ATP10D: variants seen among roughly 807,000 people sequenced by gnomAD.
ATP10D encodes the protein phospholipid-transporting ATPase VD.
In ATP10D, 89 loss-of-function variants were observed where a neutral mutation model predicts 144.8. That is an observed-to-expected ratio of 0.61 (90% CI 0.52 to 0.73). ATP10D has a LOEUF of 0.73. ATP10D is among the 30% of genes least tolerant of loss of function. The pLI, the probability that ATP10D is intolerant of heterozygous loss-of-function variation, is 0.00. For synonymous variants in ATP10D, 571 were observed against 615.1 expected (o/e 0.93, Z 1.06); for missense variants, 1,603 against 1,714.8 (o/e 0.93, Z 1.15).
chr4:47,559,319 A>G (rs969613805), intron 13 of ATP10D, among the ~76,000 whole-genome samples: 1 of 152,156 alleles, frequency 6.6e-6, no homozygotes. Context: ...AAATCTCTGG[A>G]TCTTACTTTC....
chr4:47,515,382 T>C, intron 2 of ATP10D, 94 bp from the exon 3 acceptor site: 2 of 979,540 alleles, frequency 2.0e-6, no homozygotes, highest in Non-Finnish European at 3.1e-6. Flanking sequence ...AATCTACTAA[T>C]AGAAACTTAC....
At chr4:47,565,822 G>A (rs1029514234) in intron 15 of ATP10D, among the ~76,000 whole-genome samples, 2 of 151,990 alleles carry the variant, frequency 1.3e-5, no homozygotes, top group South Asian at 2.1e-4. Context: ...TTTATCTTAT[G>A]TTTAAAGGCA....
At chr4:47,503,584 A>T (rs897524926) in intron 1 of ATP10D, among the ~76,000 whole-genome samples, 1 of 152,208 alleles carries the variant, frequency 6.6e-6, no homozygotes, top group Non-Finnish European at 1.5e-5. Flanking sequence ...CATGATAATA[A>T]TCACTAGTTA....
intron 16 of ATP10D, among the ~76,000 whole-genome samples, chr4:47,570,965 C>T (rs1719918090): frequency 6.6e-6 from 1 of 152,126 alleles, no homozygotes; most frequent in South Asian, 2.1e-4. Flanking sequence ...CTCTCTCTTT[C>T]TATGTCTGTT....
rs545671232 is a variant in ATP10D, at chr4:47,521,622, C to G, written c.486-1390C>G. On this transcript the variant is annotated intron_variant, in intron 3 of 22. Coordinates refer to ENST00000273859, the MANE Select transcript of ATP10D (RefSeq NM_020453.4). The stretch of plus-strand genomic sequence containing the variant: ...TGGTCACATCCTTCTTTGTCTGGAC[C>G]TTTAGTTACTCTCCATTTCCTATGG... Among the ~76,000 whole-genome samples the G allele has an allele frequency of 2.0e-5, 3 of 152,262 alleles. No individual in the cohort carries two copies. In the East Asian group the frequency reaches 5.8e-4, roughly 29 times the overall value.
intron 1 of ATP10D, among the ~76,000 whole-genome samples, chr4:47,507,684 C>A (rs1716094611): frequency 6.6e-6 from 1 of 152,140 alleles, no homozygotes; most frequent in East Asian, 1.9e-4. Context: ...AAGCACTGGA[C>A]AGATGCATAG....
rs1199716855 is a variant in ATP10D at position 47,546,805 on chromosome 4, T to G, written c.1578T>G (p.Ser526Arg). Reference protein sequence around the residue: ...HLAGSSFTLGSGEGASEVPHS... With the variant: ...HLAGSSFTLGRGEGASEVPHS... ...CTGGGAGCTCTTTTACTCTAGGAAGTGGAGAAGGAGCCAGTGAAGTGCCTC... is the reference window on the plus strand; with the variant it reads ...CTGGGAGCTCTTTTACTCTAGGAAGGGGAGAAGGAGCCAGTGAAGTGCCTC... Residue 526 changes from serine (S) to arginine (R), a missense_variant, in exon 10 of 23, where the codon AGT becomes AGG. By Grantham distance (110) the Ser-to-Arg change is moderately radical. Transcript: ENST00000273859. 1.2e-6 allele frequency: 2 copies of G among 1,613,544 alleles called. No individual in the cohort carries two copies. The highest frequency in any genetic ancestry group is 1.7e-6 in the Non-Finnish European group (2 of 1,179,978).
intron 10 of ATP10D, among the ~76,000 whole-genome samples, chr4:47,553,097 TA>T (rs1718804046): frequency 6.6e-6 from 1 of 152,194 alleles, no homozygotes; most frequent in South Asian, 2.1e-4. Flanking sequence ...TAGGCCTTGG[TA>T]AAATACCATG....
chr4:47,492,614 T>C (rs530506405), intron 1 of ATP10D, among the ~76,000 whole-genome samples: 1 of 152,280 alleles, frequency 6.6e-6, no homozygotes, highest in Non-Finnish European at 1.5e-5. Flanking sequence ...TCCATGCTTT[T>C]ATTGCGTTAA....
intron 15 of ATP10D, among the ~76,000 whole-genome samples, chr4:47,568,500 C>T (rs1053344692): frequency 9.2e-5 from 14 of 152,138 alleles, no homozygotes; most frequent in African/African-American, 3.4e-4. Flanking sequence ...AGAGAGGTTA[C>T]ATAGTTTGCC....
intron 1 of ATP10D, among the ~76,000 whole-genome samples, chr4:47,489,069 C>T (rs56379529): frequency 0.33 from 50,810 of 151,996 alleles, 9,600 homozygotes; most frequent in Non-Finnish European, 0.42. Flanking sequence ...TGGACTAAGA[C>T]GGAGACAGAT....
chr4:47,493,128 C>T (rs534890124), intron 1 of ATP10D, among the ~76,000 whole-genome samples: 23 of 152,206 alleles, frequency 1.5e-4, no homozygotes, highest in Admixed American at 5.2e-4. Flanking sequence ...TTAAAAACTT[C>T]TGTAGTTACC....
intron 21 of ATP10D, among the ~76,000 whole-genome samples, chr4:47,582,706 C>G (rs1720584067): frequency 6.6e-6 from 1 of 152,160 alleles, no homozygotes; most frequent in Non-Finnish European, 1.5e-5. Context: ...CCTTGCATCC[C>G]TGCACTTCAC....
At chr4:47,530,170 C>T (rs967995301) in intron 5 of ATP10D, among the ~76,000 whole-genome samples, 1 of 152,082 alleles carries the variant, frequency 6.6e-6, no homozygotes, top group Non-Finnish European at 1.5e-5. Flanking sequence ...CTGGTTGGGA[C>T]TCCAAGTACT....
chr4:47,491,181 G>A (rs1414063903), intron 1 of ATP10D: 3 of 746,734 alleles, frequency 4.0e-6, no homozygotes, highest in Non-Finnish European at 2.5e-6. Context: ...AGTGCTTAAT[G>A]TGCTCAATAT....
In ATP10D at chr4:47,512,627, C is replaced by T. The variant is rs781085703; in HGVS notation, c.87C>T (p.Asn29=). 6.2e-7 allele frequency: 1 copy of T among 1,614,188 alleles called. No individual in the cohort carries two copies. The highest frequency in any genetic ancestry group is 8.5e-7 in the Non-Finnish European group (1 of 1,180,034). ...GGGATGATGATTCAGGGCCATACAA[C>T]TATTCCTCGTTGCTCGCCTGTGGGC... ...ATRDDDSGPY[N]YSSLLACGRK... The change falls in exon 2 of 23, where the codon AAC becomes AAT. Residue 29 remains asparagine (N), a synonymous_variant. Coordinates refer to ENST00000273859, the MANE Select transcript of ATP10D (RefSeq NM_020453.4).
At chr4:47,512,882 T>A in intron 2 of ATP10D, 52 bp downstream of exon 2, 9 of 1,482,582 alleles carry the variant, frequency 6.1e-6, no homozygotes, top group Non-Finnish European at 8.2e-6. Flanking sequence ...AGTTGATATA[T>A]AACATATTTT....
chr4:47,520,611 C>T (rs950068088), intron 3 of ATP10D, among the ~76,000 whole-genome samples: 2 of 152,062 alleles, frequency 1.3e-5, no homozygotes, highest in African/African-American at 2.4e-5. Context: ...GTCTCAAAAA[C>T]AGGTTGGAGT....
intron 1 of ATP10D, among the ~76,000 whole-genome samples, chr4:47,502,099 T>C (rs903451092): frequency 6.6e-6 from 1 of 152,152 alleles, no homozygotes; most frequent in Non-Finnish European, 1.5e-5. Context: ...ACTGCAACAT[T>C]TTACCTGCCT....
Sources: allele counts gnomAD v4.1 joint callset (sites outside exome capture counted in the v4.1 genomes callset), GRCh38; gene constraint gnomAD v4.1.1; transcripts MANE v1.5; gene names NCBI Gene and HGNC (gene_info 2026-07-23, HGNC 2026-07-21).